Variants in GRHL2 observed in about 807,000 individuals in gnomAD.
GRHL2 encodes the protein grainyhead-like protein 2 homolog.
GRHL2 carries 21 observed loss-of-function variants against 83.8 expected under a neutral mutation model. The ratio of observed to expected loss-of-function variants is 0.25; its 90% CI spans 0.18 to 0.36. The LOEUF (loss-of-function observed/expected upper bound fraction) is 0.36, where lower values mean the gene tolerates loss of function less well. Among genes scored for constraint, GRHL2 ranks in the 10% least tolerant of loss-of-function variants. The probability of loss-of-function intolerance (pLI) is 1.00; values close to 1 mark genes in which losing one functional copy is unlikely to be tolerated. For synonymous variants in GRHL2, 280 were observed against 278.9 expected, an observed-to-expected ratio of 1.00 and a Z score of -0.04; for missense variants, 623 against 781.8, an observed-to-expected ratio of 0.80 and a Z score of 2.42.
chr8:101,519,751 T>C (rs1349561342), intron 1 of GRHL2, among the ~76,000 whole-genome samples: 1 of 152,132 alleles, frequency 6.6e-6, no homozygotes, highest in African/African-American at 2.4e-5. Context: ...TATGAAGATA[T>C]ATGTATATGT....
chr8:101,502,811 T>C (rs1314282403), intron 1 of GRHL2, among the ~76,000 whole-genome samples: 1 of 152,000 alleles, frequency 6.6e-6, no homozygotes, highest in East Asian at 1.9e-4. Context: ...TTCTTCTCCT[T>C]CTCTTCTTCT....
chr8:101,593,078 C>G (rs890447350), intron 7 of GRHL2, among the ~76,000 whole-genome samples: 1 of 152,088 alleles, frequency 6.6e-6, no homozygotes, highest in African/African-American at 2.4e-5. Flanking sequence ...TTCAGAGTAG[C>G]TGGGATTACA....
intron 2 of GRHL2, among the ~76,000 whole-genome samples, chr8:101,544,614 G>A (rs1262237582): frequency 2.0e-5 from 3 of 152,186 alleles, no homozygotes; most frequent in African/African-American, 4.8e-5. Flanking sequence ...CTGATGCTGG[G>A]AATTGGCACA....
At chr8:101,680,134 T>C in the GRHL2 span, among the ~76,000 whole-genome samples, 303 of 117,786 alleles carry the variant, frequency 2.6e-3, 9 homozygotes, top group African/African-American at 8.8e-3. Context: ...GACTGGCAAA[T>C]TGGATAAAGA....
chr8:101,512,539 A>G (rs1269342612), intron 1 of GRHL2, among the ~76,000 whole-genome samples: 1 of 152,106 alleles, frequency 6.6e-6, no homozygotes, highest in Non-Finnish European at 1.5e-5. Flanking sequence ...CGGTGGCATG[A>G]TCTCAGCTCA....
chr8:101,642,562 T>C (rs751657801), intron 12 of GRHL2, among the ~76,000 whole-genome samples: 1 of 152,186 alleles, frequency 6.6e-6, no homozygotes, highest in Non-Finnish European at 1.5e-5. Flanking sequence ...CACAGTAACG[T>C]GACCTGCTTT....
intron 7 of GRHL2, among the ~76,000 whole-genome samples, chr8:101,578,979 A>G (rs1686087917): frequency 6.6e-6 from 1 of 152,194 alleles, no homozygotes; most frequent in African/African-American, 2.4e-5. Flanking sequence ...TATTTATCGA[A>G]TAAACAAGGA....
chr8:101,530,773 C>T (rs897156088), intron 1 of GRHL2, among the ~76,000 whole-genome samples: 2 of 152,176 alleles, frequency 1.3e-5, no homozygotes, highest in African/African-American at 2.4e-5. Flanking sequence ...ACAAACTCCG[C>T]TTTTGCATAA....
chr8:101,511,554 G>C (rs2130009356), intron 1 of GRHL2, among the ~76,000 whole-genome samples: 1 of 152,226 alleles, frequency 6.6e-6, no homozygotes, highest in Admixed American at 6.5e-5. Flanking sequence ...TGCCATGTTG[G>C]CCAAGCTGGT....
intron 1 of GRHL2, among the ~76,000 whole-genome samples, chr8:101,509,623 T>C (rs973147977): frequency 1.4e-4 from 21 of 152,200 alleles, no homozygotes; most frequent in African/African-American, 4.8e-4. Flanking sequence ...TTTCCTCTTA[T>C]GGTTAGCCTT....
intron 3 of GRHL2, among the ~76,000 whole-genome samples, chr8:101,557,224 C>CT (rs34785282): frequency 0.62 from 75,325 of 122,376 alleles, 24,638 homozygotes; most frequent in Non-Finnish European, 0.7. Flanking sequence ...ATTAACAATA[C>CT]TTTTTTTTTT....
At chr8:101,567,357 T>C (rs571131857) in intron 4 of GRHL2, among the ~76,000 whole-genome samples, 7 of 152,324 alleles carry the variant, frequency 4.6e-5, no homozygotes, top group Admixed American at 4.6e-4. Context: ...CTACAAATTA[T>C]ATTAATAGGT....
At chr8:101,562,955 T>A (rs529402917) in intron 4 of GRHL2, among the ~76,000 whole-genome samples, 1 of 152,180 alleles carries the variant, frequency 6.6e-6, no homozygotes, top group African/African-American at 2.4e-5. Context: ...TTAATTTCCA[T>A]TGGGAAAAAT....
chr8:101,603,699 C>G (rs1461893919), intron 8 of GRHL2, among the ~76,000 whole-genome samples: 2 of 152,296 alleles, frequency 1.3e-5, no homozygotes, highest in East Asian at 3.9e-4. Context: ...GAGACAGAGT[C>G]TTTCTGCACA....
intron 2 of GRHL2, 57 bp from the exon 3 acceptor site, chr8:101,552,658 G>T: frequency 6.5e-7 from 1 of 1,536,256 alleles, no homozygotes; most frequent in South Asian, 1.1e-5. Context: ...GTCCAGCTCT[G>T]AACATGGTCA....
intron 4 of GRHL2, among the ~76,000 whole-genome samples, chr8:101,564,857 A>AT (rs1811684965): frequency 6.6e-6 from 1 of 150,776 alleles, no homozygotes; most frequent in Non-Finnish European, 1.5e-5. Flanking sequence ...ATTTTAGCTA[A>AT]TTTGATCTAT....
intron 8 of GRHL2, among the ~76,000 whole-genome samples, chr8:101,606,180 G>A (rs985562137): frequency 2.6e-5 from 4 of 152,150 alleles, no homozygotes; most frequent in African/African-American, 7.2e-5. Context: ...CATTTACCAG[G>A]GTGGTAATTG....
At chr8:101,611,976 CTCT>C (rs1049433919) in intron 8 of GRHL2, among the ~76,000 whole-genome samples, 5 of 150,664 alleles carry the variant, frequency 3.3e-5, no homozygotes, top group African/African-American at 5.0e-5. Context: ...TTGTTGAGCT[CTCT>C]TCTTCTTCTT....
intron 13 of GRHL2, among the ~76,000 whole-genome samples, chr8:101,645,602 C>T (rs564881051): frequency 6.6e-6 from 1 of 152,260 alleles, no homozygotes; most frequent in African/African-American, 2.4e-5. Context: ...TTCTGCTCCT[C>T]GGCGTCCTCA....
Sources: allele counts gnomAD v4.1 joint callset (sites outside exome capture counted in the v4.1 genomes callset), GRCh38; gene constraint gnomAD v4.1.1; transcripts MANE v1.5; gene names NCBI Gene and HGNC (gene_info 2026-07-23, HGNC 2026-07-21).